Variants in PLBD1 observed in about 807,000 individuals in gnomAD.
PLBD1 encodes phospholipase B domain containing 1.
In PLBD1, 60 loss-of-function variants were observed where a neutral mutation model predicts 63.0. The observed-to-expected ratio is 0.95, with a 90% CI of 0.77 to 1.18. The LOEUF is 1.18. PLBD1 is among the 50% of genes most tolerant of loss of function. The pLI, the probability that PLBD1 is intolerant of heterozygous loss-of-function variation, is 0.00. For missense variants in PLBD1, 598 were observed against 677.9 expected (o/e 0.88, Z 1.31); for synonymous variants, 262 against 248.0 (o/e 1.06, Z -0.53).
intron 1 of PLBD1, among the ~76,000 whole-genome samples, chr12:14,566,685 C>A (rs1311541164): frequency 6.6e-6 from 1 of 151,980 alleles, no homozygotes; most frequent in Admixed American, 6.6e-5. Context: ...CTCTGGCATC[C>A]CCTAACTCTG....
At chr12:14,516,283 C>G (rs1182614842) in intron 6 of PLBD1, among the ~76,000 whole-genome samples, 1 of 152,068 alleles carries the variant, frequency 6.6e-6, no homozygotes, top group Non-Finnish European at 1.5e-5. Context: ...GAGCCGAGAT[C>G]GCGCCATTGC....
chr12:14,546,280 C>T (rs539591449), intron 2 of PLBD1, among the ~76,000 whole-genome samples: 53 of 150,216 alleles, frequency 3.5e-4, no homozygotes, highest in African/African-American at 2.0e-4. Flanking sequence ...ATCATGACAC[C>T]GCACTCCAGC....
intron 2 of PLBD1, among the ~76,000 whole-genome samples, chr12:14,546,166 A>G (rs568752448): frequency 6.6e-6 from 1 of 152,242 alleles, no homozygotes; most frequent in Admixed American, 6.5e-5. Flanking sequence ...TACTAAAAAT[A>G]CAAAAAGCCA....
chr12:14,520,319 C>G (rs1044203216), intron 6 of PLBD1, among the ~76,000 whole-genome samples: 1 of 152,202 alleles, frequency 6.6e-6, no homozygotes, highest in Non-Finnish European at 1.5e-5. Context: ...ACATCTTTCA[C>G]TGACTGCTAA....
At chr12:14,547,366 C>T (rs1294522423) in intron 2 of PLBD1, among the ~76,000 whole-genome samples, 1 of 152,114 alleles carries the variant, frequency 6.6e-6, no homozygotes, top group Non-Finnish European at 1.5e-5. Flanking sequence ...CAGGTTGAGG[C>T]CCTTCCCTCA....
rs765177987 is a variant in PLBD1, at chr12:14,536,627, G to GT, written c.641dup (p.Asn214LysfsTer8). Reference sequence around the variant, plus strand: ...ATCTCTTAAAAACCTTTAGGCTGCCGTTTTTTGTGGGAGAGAGTGAGGGAA... The same window carrying GT: ...ATCTCTTAAAAACCTTTAGGCTGCCGTTTTTTTGTGGGAGAGAGTGAGGGAA... On this transcript the variant is annotated frameshift_variant, in exon 5 of 11. Transcript: ENST00000240617. LOFTEE classifies it high-confidence loss of function. The GT allele has an allele frequency of 3.5e-5, 56 of 1,614,040 alleles. No homozygotes were observed. Among genetic ancestry groups the GT allele is most frequent in the African/African-American group, 1.7e-4 (13 of 74,916 alleles).
At chr12:14,519,162 G>A (rs1003600772) in intron 6 of PLBD1, among the ~76,000 whole-genome samples, 1 of 152,166 alleles carries the variant, frequency 6.6e-6, no homozygotes, top group South Asian at 2.1e-4. Flanking sequence ...TCCTAAACCC[G>A]TGATATGGAC....
chr12:14,508,343 T>A (rs1324324654), intron 8 of PLBD1, among the ~76,000 whole-genome samples: 1 of 152,254 alleles, frequency 6.6e-6, no homozygotes, highest in Non-Finnish European at 1.5e-5. Flanking sequence ...TGCATTCAGA[T>A]GGAGTGCTTA....
chr12:14,519,007 T>A (rs1473325563), intron 6 of PLBD1, among the ~76,000 whole-genome samples: 1 of 152,142 alleles, frequency 6.6e-6, no homozygotes, highest in African/African-American at 2.4e-5. Flanking sequence ...TGAGTGATTT[T>A]CCCACAAATA....
chr12:14,509,005 G>A (rs1212710786), intron 8 of PLBD1, among the ~76,000 whole-genome samples: 4 of 145,778 alleles, frequency 2.7e-5, no homozygotes, highest in African/African-American at 7.7e-5. Flanking sequence ...CGACCCCGAC[G>A]CCCCCGCCTT....
intron 6 of PLBD1, chr12:14,533,222 C>T (rs1460132189): frequency 6.6e-6 from 1 of 152,106 alleles, no homozygotes; most frequent in Non-Finnish European, 1.5e-5. Flanking sequence ...GTGGCTGGTC[C>T]CTTAATAAAA....
chr12:14,567,626 AGC>A lies in PLBD1; in HGVS notation c.69_70del (p.Leu24AlafsTer27). Reference sequence around the variant, plus strand: ...CGCGGTGACTAACAACAGCGGCAGCAGCAGCAGCAGCAGCAGAAGCGGTGGCG... The same window carrying A: ...CGCGGTGACTAACAACAGCGGCAGCAAGCAGCAGCAGCAGAAGCGGTGGCG... On this transcript the variant is annotated frameshift_variant, in exon 1 of 11. Coordinates refer to ENST00000240617, the MANE Select transcript of PLBD1 (RefSeq NM_024829.6). LOFTEE classifies it high-confidence loss of function. The A allele has an allele frequency of 8.4e-7, 1 of 1,197,164 alleles. No individual in the cohort carries two copies. Among genetic ancestry groups the A allele is most frequent in the Admixed American group, 2.4e-5 (1 of 41,108 alleles). The allele number at this position is 1,197,164 out of a possible 1,614,324, so 74.2% of individuals were successfully genotyped here. A position where few individuals can be genotyped will look rare whatever the true frequency, so the allele number is the denominator to read the frequency against.
In PLBD1 at chr12:14,506,242, C is replaced by G. The variant is rs749213844; in HGVS notation, c.1399G>C (p.Gly467Arg). The change falls in exon 10 of 11, where the codon GGT becomes CGT. Residue 467 changes from glycine (G) to arginine (R), a missense_variant. Physicochemically the swap from Gly to Arg is moderately radical, Grantham distance 125. Coordinates refer to ENST00000240617, the MANE Select transcript of PLBD1 (RefSeq NM_024829.6). ...NNYKKDPYSR[G>R]DPCNTICCRE... The stretch of plus-strand genomic sequence containing the variant: ...CAGCAGATGGTATTACAGGGGTCAC[C>G]TCTACTGTAAGGATCCTTCTTATAA... 6.2e-7 allele frequency: 1 copy of G among 1,611,840 alleles called. No homozygotes were observed. Among genetic ancestry groups the G allele is most frequent in the Non-Finnish European group, 8.5e-7 (1 of 1,178,318 alleles).
At chr12:14,544,543 G>A (rs1163572216) in intron 2 of PLBD1, among the ~76,000 whole-genome samples, 1 of 152,074 alleles carries the variant, frequency 6.6e-6, no homozygotes, top group African/African-American at 2.4e-5. Context: ...GTTGCCTCTA[G>A]TCTCTTTTTC....
chr12:14,507,132 G>C lies in PLBD1; in HGVS notation c.1187-14C>G, dbSNP rs370815811. On this transcript the variant is annotated splice_polypyrimidine_tract_variant and intron_variant, in intron 8 of 10. Coordinates refer to ENST00000240617, the MANE Select transcript of PLBD1 (RefSeq NM_024829.6). Reference sequence around the variant, plus strand: ...AGGGCCAATATCCTGATTTGGAATGGAAGGGAAGTAAGGGAGGGATTGACA... The same window carrying C: ...AGGGCCAATATCCTGATTTGGAATGCAAGGGAAGTAAGGGAGGGATTGACA... 1 of 1,575,108 alleles carries C rather than the reference G, an allele frequency of 6.3e-7. No homozygotes were observed. Among genetic ancestry groups the C allele is most frequent in the Non-Finnish European group, 8.7e-7 (1 of 1,148,842 alleles).
rs1945674660 is a variant in PLBD1 at position 14,553,312 on chromosome 12, G to T, written c.216C>A (p.Asn72Lys). ...TGCCCCAGCCTGTGGTTTTCACAGA[G>T]TTATTGTAAAAGCCATAGGCGTCCC... ...KNGDAYGFYN[N>K]SVKTTGWGIL... Residue 72 changes from asparagine to lysine, a missense_variant, in exon 2 of 11, where the codon AAC (asparagine) becomes AAA (lysine). Asn to Lys is a moderately conservative substitution (Grantham distance 94). Transcript: ENST00000240617. The T allele has an allele frequency of 6.2e-7, 1 of 1,614,052 alleles. No individual in the cohort carries two copies. Among genetic ancestry groups the T allele is most frequent in the African/African-American group, 1.3e-5 (1 of 74,930 alleles).
rs1945298356 is a variant in PLBD1, at chr12:14,511,552, C to T, written c.1004G>A (p.Ser335Asn). 6.2e-7 allele frequency: 1 copy of T among 1,614,204 alleles called. No individual in the cohort carries two copies. Among genetic ancestry groups the T allele is most frequent in the South Asian group, 1.1e-5 (1 of 91,092 alleles). Reference protein sequence around the residue: ...RVRVANMMADSGKRWADIFSK... With the variant: ...RVRVANMMADNGKRWADIFSK... ...AAAGATGTCTGCCCACCTCTTGCCA[C>T]TATCTGCCATCATATTGGCCACACG... The change falls in exon 7 of 11, where the codon AGT becomes AAT. Residue 335 changes from serine (S) to asparagine (N), a missense_variant. Coordinates refer to ENST00000240617, the MANE Select transcript of PLBD1 (RefSeq NM_024829.6).
chr12:14,540,019 TATATATATATATATATA>T lies in PLBD1; in HGVS notation c.558+728_558+744del, dbSNP rs1945555729. ...TTCAAAGAAAAGCTATGCACATATA[TATATATATATATATATA>T]TATATATATATATATATACACACAC... On this transcript the variant is annotated intron_variant, in intron 4 of 10. Coordinates refer to ENST00000240617, the MANE Select transcript of PLBD1 (RefSeq NM_024829.6). Among the ~76,000 whole-genome samples, 6 of 87,666 alleles carry T rather than the reference TATATATATATATATATA, an allele frequency of 6.8e-5. 1 individual carries two copies. Among genetic ancestry groups the T allele is most frequent in the Admixed American group, 4.8e-4 (4 of 8,252 alleles). 57.5% of individuals were successfully genotyped at this position (87,666 alleles called of 152,430 possible). A position where few individuals can be genotyped will look rare whatever the true frequency, so the allele number is the denominator to read the frequency against.
At chr12:14,507,425 CA>C (rs1945264935) in intron 8 of PLBD1, among the ~76,000 whole-genome samples, 2 of 152,220 alleles carry the variant, frequency 1.3e-5, no homozygotes, top group Non-Finnish European at 2.9e-5. Context: ...CTCTATAGAG[CA>C]AAATAAAGTA....
Sources: allele counts gnomAD v4.1 joint callset (sites outside exome capture counted in the v4.1 genomes callset), GRCh38; gene constraint gnomAD v4.1.1; transcripts MANE v1.5; gene names NCBI Gene and HGNC (gene_info 2026-07-23, HGNC 2026-07-21).